Variants in RSPH10B observed in about 807,000 individuals in gnomAD.
RSPH10B encodes the protein radial spoke head 10 homolog B, also known as radial spoke head 10 homolog B (Chlamydomonas).
A neutral mutation model predicts 52.5 loss-of-function variants in RSPH10B; 7 were observed. The ratio of observed to expected loss-of-function variants is 0.13; its 90% CI spans 0.08 to 0.25. The LOEUF (loss-of-function observed/expected upper bound fraction) is 0.25. RSPH10B is among the 10% of genes least tolerant of loss of function. RSPH10B has a pLI of 1.00. For synonymous variants in RSPH10B, 28 were observed against 193.2 expected (o/e 0.14, Z 7.09); for missense variants, 89 against 542.5 (o/e 0.16, Z 8.30).
chr7:5,954,870 A>G lies in RSPH10B; in HGVS notation c.957+1135T>C, dbSNP rs1467189400. 1.2e-3 allele frequency among the ~76,000 whole-genome samples: 93 copies of G among 78,708 alleles called. 1 individual carries two copies. Among genetic ancestry groups the G allele is most frequent in the Non-Finnish European group, 2.1e-3 (83 of 39,628 alleles). 51.6% of individuals were successfully genotyped at this position (78,708 alleles called of 152,430 possible). On this transcript the variant is annotated intron_variant, in intron 7 of 18. Transcript: ENST00000337579. The stretch of plus-strand genomic sequence containing the variant: ...CTAAATATATAGGAAATCAATGACC[A>G]TTGAAACTATTTTGGCAAGCATAGT...
At chr7:5,967,879 C>CTA (rs1363144787), upstream of RSPH10B, among the ~76,000 whole-genome samples, 1 of 83,404 alleles carries the variant, frequency 1.2e-5, no homozygotes, top group African/African-American at 5.1e-5. Context: ...CAGGGTCTTG[C>CTA]TATCTTGCCC....
At position 5,927,594 on chromosome 7, in the gene RSPH10B, T is replaced by C. The variant is rs369297858; in HGVS notation, c.2432+602A>G. Among the ~76,000 whole-genome samples the C allele has an allele frequency of 1.3e-3, 175 of 137,088 alleles. 2 individuals are homozygous for C. The highest frequency in any genetic ancestry group is 1.8e-3 in the Non-Finnish European group (118 of 65,510). The allele number at this position is 137,088 out of a possible 152,430, so 89.9% of individuals were successfully genotyped here. ...CTCCCCTGGCTACCAGTCATCTCAA[T>C]ATAGTCATTACCCCAAAGAGTCCAC... On this transcript the variant is annotated intron_variant, in intron 18 of 18. Transcript: ENST00000337579.
At chr7:5,938,580 C>CAAAA (rs1007469421) in intron 14 of RSPH10B, 142 bp downstream of exon 16, 6 of 12,920 alleles carry the variant, frequency 4.6e-4, no homozygotes, top group Non-Finnish European at 7.4e-4. Flanking sequence ...ACTCCGTCTC[C>CAAAA]AAAAAAAAAA....
intron 10 of RSPH10B, among the ~76,000 whole-genome samples, chr7:5,945,618 CAA>C (rs1448600462): frequency 2.2e-4 from 6 of 27,748 alleles, no homozygotes; most frequent in Admixed American, 4.2e-4. Context: ...GACTTCATCT[CAA>C]AAAAAAAAAA....
chr7:5,939,962 C>T (rs2128627350), intron 13 of RSPH10B, among the ~76,000 whole-genome samples: 2 of 104,370 alleles, frequency 1.9e-5, no homozygotes, highest in Admixed American at 1.1e-4. Flanking sequence ...TTTGGGAGGC[C>T]GAGGCAGGCG....
chr7:5,947,878 GT>G (rs1780495108), intron 10 of RSPH10B, among the ~76,000 whole-genome samples: 1 of 102,314 alleles, frequency 9.8e-6, no homozygotes, highest in Non-Finnish European at 2.2e-5. Flanking sequence ...GTGTGTGTGT[GT>G]GTGTGTGTGT....
At chr7:5,926,958 T>C (rs1193892388) in intron 18 of RSPH10B, among the ~76,000 whole-genome samples, 3 of 150,982 alleles carry the variant, frequency 2.0e-5, no homozygotes, top group Non-Finnish European at 3.0e-5. Context: ...TTTCACCAGG[T>C]TGGCCAGGCT....
chr7:5,950,439 T>C (rs1443101234), intron 9 of RSPH10B, among the ~76,000 whole-genome samples: 2 of 150,230 alleles, frequency 1.3e-5, no homozygotes, highest in Non-Finnish European at 3.0e-5. Context: ...GGGGTGGTGG[T>C]GCATGCCTGT....
At chr7:5,933,704 G>T (rs1198886755) in intron 16 of RSPH10B, among the ~76,000 whole-genome samples, 2 of 136,744 alleles carry the variant, frequency 1.5e-5, no homozygotes, top group Non-Finnish European at 3.2e-5. Flanking sequence ...AGCTTGCAAT[G>T]AGCCGAGATC....
chr7:5,927,058 G>A (rs1286445223), intron 18 of RSPH10B, among the ~76,000 whole-genome samples: 227 of 82,940 alleles, frequency 2.7e-3, no homozygotes, highest in East Asian at 0.011. Context: ...TTATGTGTGT[G>A]TGTGTGTGTA....
At chr7:5,928,011 T>C (rs1779596419) in intron 18 of RSPH10B, 185 bp downstream of exon 20, 2 of 724,872 alleles carry the variant, frequency 2.8e-6, no homozygotes, top group Non-Finnish European at 4.7e-6. Context: ...ACTCAGGAAG[T>C]TACAAAGGCT....
At chr7:5,960,276 G>A (rs1780875438) in intron 4 of RSPH10B, among the ~76,000 whole-genome samples, 1 of 25,922 alleles carries the variant, frequency 3.9e-5, no homozygotes, top group East Asian at 9.0e-4. Context: ...AGCTGGGCGT[G>A]GTGGTGCACA....
At chr7:5,927,687 G>A (rs1173085232) in intron 18 of RSPH10B, among the ~76,000 whole-genome samples, 1 of 147,158 alleles carries the variant, frequency 6.8e-6, no homozygotes, top group African/African-American at 2.6e-5. Context: ...TGTGACCCCA[G>A]CACTTTGGGA....
intron 18 of RSPH10B, among the ~76,000 whole-genome samples, chr7:5,927,062 G>GTATT (rs1562553198): frequency 1.1e-5 from 1 of 92,450 alleles, no homozygotes; most frequent in East Asian, 3.9e-4. Context: ...GTGTGTGTGT[G>GTATT]TGTGTATATG....
chr7:5,966,403 C>A lies in RSPH10B; in HGVS notation c.254+460G>T, dbSNP rs1182859182. ...GTTTGCTATTTGGGTGATGGGCTTA[C>A]TTAGAAGCCCAAACCTCAGCATCAC... On this transcript the variant is annotated intron_variant, in intron 1 of 18. Transcript: ENST00000337579. 2.5e-5 allele frequency among the ~76,000 whole-genome samples: 3 copies of A among 118,400 alleles called. No homozygotes were observed. The East Asian group carries it at 6.5e-4, about 26-fold the overall frequency. The allele number at this position is 118,400 out of a possible 152,430, so 77.7% of individuals were successfully genotyped here. A position where few individuals can be genotyped will look rare whatever the true frequency, so the allele number is the denominator to read the frequency against.
intron 13 of RSPH10B, 190 bp downstream of exon 15, chr7:5,943,134 T>A (rs1267698039): frequency 1.8e-5 from 23 of 1,290,078 alleles, no homozygotes; most frequent in Non-Finnish European, 2.4e-5. Flanking sequence ...AGGTGACGGC[T>A]GTTTCTGTTC....
rs183700738 is a variant in RSPH10B at position 5,944,066 on chromosome 7, C to T, written c.1530-76G>A. On this transcript the variant is annotated intron_variant, in intron 11 of 18. Transcript: ENST00000337579. ...AACTTAATTCCCTTCTCCTTGAGCA[C>T]GGGCTAGACTTAATAATTTGCTTCT... The T allele has an allele frequency of 7.8e-5, 124 of 1,598,700 alleles. 2 individuals carry two copies. The highest frequency in any genetic ancestry group is 6.7e-4 in the Middle Eastern group (4 of 5,950).
intron 11 of RSPH10B, 121 bp downstream of exon 13, chr7:5,944,943 A>G: frequency 6.7e-6 from 4 of 596,838 alleles, no homozygotes; most frequent in Non-Finnish European, 1.2e-5. Context: ...AGCCTGGGCG[A>G]CAGAGCAAGA....
intron 17 of RSPH10B, among the ~76,000 whole-genome samples, chr7:5,928,717 C>T (rs1562556416): frequency 1.3e-5 from 2 of 149,742 alleles, no homozygotes; most frequent in East Asian, 2.1e-4. Flanking sequence ...CTGCAACCTC[C>T]ACCTCCTGGG....
Sources: gnomAD v4.1 joint callset for allele counts (sites outside exome capture counted in the v4.1 genomes callset) on GRCh38, gnomAD v4.1.1 for gene constraint, MANE v1.5 for transcripts, NCBI Gene and HGNC (gene_info 2026-07-23, HGNC 2026-07-21) for gene names.